The following ADD1 variants were observed in gnomAD, a reference collection of about 807,000 sequenced individuals.
The protein encoded by ADD1 is alpha-adducin.
A neutral mutation model predicts 80.5 loss-of-function variants in ADD1; 24 were observed. The ratio of observed to expected loss-of-function variants is 0.30; its 90% CI spans 0.22 to 0.42. The LOEUF (loss-of-function observed/expected upper bound fraction) is 0.42. Ranked by LOEUF, ADD1 falls within the 10% of genes least tolerant of loss-of-function variation. ADD1 has a pLI of 1.00. For synonymous variants in ADD1, 373 were observed against 393.8 expected (o/e 0.95, Z 0.63); for missense variants, 948 against 1,019.0 (o/e 0.93, Z 0.95).
rs1577761281 is a variant in ADD1 at position 2,926,544 on chromosome 4, G to A, written c.2047+432G>A. 4.5e-6 allele frequency: 6 copies of A among 1,336,160 alleles called. No individual in the cohort carries two copies. In the South Asian group the frequency reaches 4.9e-5, roughly 11 times the overall value. The allele number at this position is 1,336,160 out of a possible 1,614,324, so 82.8% of individuals were successfully genotyped here. A position where few individuals can be genotyped will look rare whatever the true frequency, so the allele number is the denominator to read the frequency against. Reference sequence around the variant, plus strand: ...TACATCCATGTCTCTCGTGAAGCCCGTGGCCCTGCCTTTCTTCTTCTGTAA... The same window carrying A: ...TACATCCATGTCTCTCGTGAAGCCCATGGCCCTGCCTTTCTTCTTCTGTAA... On this transcript the variant is annotated intron_variant, in intron 15 of 15. Coordinates refer to ENST00000683351, the MANE Select transcript of ADD1 (RefSeq NM_001354761.2). The surrounding 1 kb of genome is among the most constrained non-coding windows in gnomAD (Gnocchi z 5.0).
At chr4:2,921,411 A>G (rs766823117) in intron 14 of ADD1, among the ~76,000 whole-genome samples, 5 of 152,218 alleles carry the variant, frequency 3.3e-5, no homozygotes, top group Admixed American at 6.5e-5. Flanking sequence ...TACAGGCGTG[A>G]GCCACTGCAC....
chr4:2,915,918 G>T (rs945465995), intron 14 of ADD1, among the ~76,000 whole-genome samples: 1 of 152,168 alleles, frequency 6.6e-6, no homozygotes, highest in African/African-American at 2.4e-5. Context: ...ACAAGAGTCT[G>T]CGCGCCATAC....
In ADD1 at chr4:2,863,717, T is replaced by G. The variant is rs555703274; in HGVS notation, c.-20-12179T>G. Among the ~76,000 whole-genome samples, 19 of 140,986 alleles carry G rather than the reference T, an allele frequency of 1.3e-4. No homozygotes were observed. In the South Asian group the frequency reaches 2.0e-3, roughly 15 times the overall value. The allele number at this position is 140,986 out of a possible 152,430, so 92.5% of individuals were successfully genotyped here. On this transcript the variant is annotated intron_variant, in intron 1 of 15. Transcript: ENST00000683351. ...TCATGGTTGCCATTACTACACCTTG[T>G]TTTTTTTTGTTTTGTTTTGTTGTTT...
At chr4:2,853,102 A>G (rs1489674121) in intron 1 of ADD1, 4 of 147,828 alleles carry the variant, frequency 2.7e-5, no homozygotes, top group Non-Finnish European at 6.0e-5. Context: ...GAAGTTGGTC[A>G]CTTACTTTTT....
At chr4:2,848,838 C>T (rs1726647095) in intron 1 of ADD1, among the ~76,000 whole-genome samples, 1 of 152,104 alleles carries the variant, frequency 6.6e-6, no homozygotes, top group African/African-American at 2.4e-5. Context: ...CCATATTGGG[C>T]ACTTATGAGG....
In ADD1 at chr4:2,928,383, G is replaced by C; in HGVS notation, c.2260G>C (p.Ala754Pro). 1 of 1,613,300 alleles carries C rather than the reference G, an allele frequency of 6.2e-7. No homozygotes were observed. The highest frequency in any genetic ancestry group is 8.5e-7 in the Non-Finnish European group (1 of 1,179,872). The change falls in exon 16 of 16, where the codon GCT becomes CCT. Residue 754 changes from alanine (A) to proline (P), a missense_variant. Coordinates refer to ENST00000683351, the MANE Select transcript of ADD1 (RefSeq NM_001354761.2). ...APDPAPVAEEAAPSAVEEGAA... is the reference protein window; with the variant it reads ...APDPAPVAEEPAPSAVEEGAA... ...AGACCCAGCCCCGGTGGCTGAAGAG[G>C]CTGCCCCCTCAGCTGTCGAGGAGGG...
intron 10 of ADD1, chr4:2,905,429 GA>G (rs1344645576): frequency 2.3e-5 from 8 of 348,886 alleles, no homozygotes; most frequent in Non-Finnish European, 4.2e-5. Flanking sequence ...TATATTCAGG[GA>G]CTCTTAATAC....
intron 1 of ADD1, chr4:2,868,114 G>T (rs1729828418): frequency 6.6e-6 from 1 of 152,278 alleles, no homozygotes; most frequent in African/African-American, 2.4e-5. Flanking sequence ...CTGTGAAGAA[G>T]AACCTTCAAC....
At chr4:2,909,082 A>G (rs1188960686) in intron 12 of ADD1, 6 of 532,430 alleles carry the variant, frequency 1.1e-5, no homozygotes, top group Admixed American at 3.3e-5. Flanking sequence ...ATAATTGTGT[A>G]AGTAGTTATC....
In ADD1 at chr4:2,907,724, A is replaced by C. The variant is rs746511314; in HGVS notation, c.1507-19A>C. 5 of 1,601,456 alleles carry C rather than the reference A, an allele frequency of 3.1e-6. No individual in the cohort carries two copies. The Admixed American group carries it at 6.7e-5, about 21-fold the overall frequency. On this transcript the variant is annotated intron_variant, in intron 10 of 15. Transcript: ENST00000683351. ...TTGTTGTCATAATTCTGACTTTTCA[A>C]CTGTTCTTGATATTACAGTGGACTA... is the stretch of plus-strand genomic sequence containing the variant.
chr4:2,844,514 C>T (rs1032359571), intron 1 of ADD1: 5 of 152,236 alleles, frequency 3.3e-5, no homozygotes, highest in African/African-American at 1.2e-4. Flanking sequence ...GAGAGATAAT[C>T]GTGGAACTTT....
At chr4:2,911,206 A>C (rs1363396358) in intron 13 of ADD1, among the ~76,000 whole-genome samples, 1 of 152,090 alleles carries the variant, frequency 6.6e-6, no homozygotes, top group Non-Finnish European at 1.5e-5. Context: ...TTCCCATCTG[A>C]GAACCTGAAG....
intron 3 of ADD1, 22 bp from the exon 4 acceptor site, chr4:2,884,493 G>A (rs750587251): frequency 1.9e-6 from 3 of 1,585,458 alleles, no homozygotes; most frequent in East Asian, 2.3e-5. Flanking sequence ...ACCTGGCTGA[G>A]TTTTGTTTTT....
chr4:2,894,508 CAAA>C (rs898922221), intron 5 of ADD1, 71 bp from the exon 6 acceptor site: 2,683 of 1,081,708 alleles, frequency 2.5e-3, no homozygotes, highest in Admixed American at 3.7e-3. Flanking sequence ...CAGACCCTAT[CAAA>C]AAAAAAAAAA....
At chr4:2,924,339 C>T (rs969939388) in intron 14 of ADD1, among the ~76,000 whole-genome samples, 1 of 152,224 alleles carries the variant, frequency 6.6e-6, no homozygotes, top group African/African-American at 2.4e-5. Context: ...GCTTTTCCCC[C>T]AAGCTCCCTG....
At chr4:2,900,092 G>A (rs1175762392) in intron 9 of ADD1, 2 of 154,918 alleles carry the variant, frequency 1.3e-5, no homozygotes, top group African/African-American at 4.8e-5. Flanking sequence ...CCTTGGAAAT[G>A]ACCTCAAAGA....
chr4:2,895,651 C>T (rs1735070321), intron 6 of ADD1, among the ~76,000 whole-genome samples: 1 of 152,132 alleles, frequency 6.6e-6, no homozygotes, highest in Non-Finnish European at 1.5e-5. Flanking sequence ...GGCTTAGCTT[C>T]CAAGCTGCTC....
At chr4:2,885,240 A>G (rs1163948078) in intron 4 of ADD1, among the ~76,000 whole-genome samples, 3 of 152,090 alleles carry the variant, frequency 2.0e-5, no homozygotes, top group East Asian at 3.9e-4. Context: ...CCCTCATTTC[A>G]GCAATACTCT....
chr4:2,919,656 C>T (rs184004933), intron 14 of ADD1, among the ~76,000 whole-genome samples: 4 of 152,080 alleles, frequency 2.6e-5, no homozygotes, highest in Admixed American at 1.3e-4. Flanking sequence ...GATGGTAGTT[C>T]GTATTTCTGT....
Sources: gnomAD v4.1 joint callset for allele counts (sites outside exome capture counted in the v4.1 genomes callset) on GRCh38, gnomAD v4.1.1 for gene constraint, Gnocchi (gnomAD v3.1) non-coding constraint, MANE v1.5 for transcripts, NCBI Gene and HGNC (gene_info 2026-07-23, HGNC 2026-07-21) for gene names.